UNC79: variants seen among roughly 807,000 people sequenced by gnomAD.
UNC79 encodes the protein unc-79 subunit of NALCN channel complex.
UNC79 carries 37 observed loss-of-function variants against 283.1 expected under a neutral mutation model. That is an observed-to-expected ratio of 0.13 (90% CI 0.10 to 0.17). UNC79 has a LOEUF of 0.17. Among genes scored for constraint, UNC79 ranks in the 10% least tolerant of loss-of-function variants. UNC79 has a pLI of 1.00. For synonymous variants in UNC79, 1,107 were observed against 1,200.2 expected (o/e 0.92, Z 1.61); for missense variants, 2,272 against 3,211.1 (o/e 0.71, Z 7.07).
chr14:93,647,361 G>A (rs529092853), intron 35 of UNC79, among the ~76,000 whole-genome samples: 1 of 152,292 alleles, frequency 6.6e-6, no homozygotes, highest in East Asian at 1.9e-4. Flanking sequence ...CTAAATGCAA[G>A]AAAATGAATC....
At chr14:93,691,635 G>A (rs2074706983) in intron 45 of UNC79, 114 bp from the exon 49 acceptor site, 10 of 1,026,366 alleles carry the variant, frequency 9.7e-6, no homozygotes, top group Non-Finnish European at 1.4e-5. Flanking sequence ...ATAACGTTAT[G>A]CCTTTGTGCT....
At chr14:93,551,128 C>T (rs1045485924) in intron 14 of UNC79, among the ~76,000 whole-genome samples, 70 of 152,282 alleles carry the variant, frequency 4.6e-4, no homozygotes, top group African/African-American at 1.7e-3. Context: ...CGGCTCACTG[C>T]AAGCTCCGCC....
At chr14:93,420,678 T>C (rs915877904) in intron 1 of UNC79, among the ~76,000 whole-genome samples, 1 of 151,784 alleles carries the variant, frequency 6.6e-6, no homozygotes, top group Non-Finnish European at 1.5e-5. Context: ...GGCACATAGA[T>C]AATTCTCATG....
intron 1 of UNC79, among the ~76,000 whole-genome samples, chr14:93,345,091 G>C (rs985099965): frequency 6.6e-6 from 1 of 152,122 alleles, no homozygotes; most frequent in African/African-American, 2.4e-5. Context: ...TCATGAATAG[G>C]ATTAGTACCC....
chr14:93,620,314 TC>T (rs1329282935), intron 29 of UNC79, among the ~76,000 whole-genome samples: 2 of 152,230 alleles, frequency 1.3e-5, no homozygotes, highest in African/African-American at 4.8e-5. Flanking sequence ...AAGTGGCTTT[TC>T]TAAGCTTTTT....
intron 47 of UNC79, among the ~76,000 whole-genome samples, chr14:93,699,985 GT>G (rs1044978011): frequency 2.6e-5 from 4 of 151,256 alleles, no homozygotes; most frequent in African/African-American, 7.3e-5. Context: ...ATTGTTTTAG[GT>G]TTTGTATGTT....
exon 16 of UNC79, chr14:93,572,742 A>G: frequency 2.5e-6 from 4 of 1,614,048 alleles, no homozygotes; most frequent in South Asian, 1.1e-5. Flanking sequence ...AATGGAGGAG[A>G]TGTTTGGTTT....
chr14:93,347,141 G>C, intron 1 of UNC79: 1 of 1,123,118 alleles, frequency 8.9e-7, no homozygotes, highest in Non-Finnish European at 1.2e-6. Flanking sequence ...TAGGGGGCGA[G>C]GGCAGAGCGC....
At chr14:93,355,729 T>C (rs1252619613) in intron 1 of UNC79, among the ~76,000 whole-genome samples, 3 of 152,254 alleles carry the variant, frequency 2.0e-5, no homozygotes, top group African/African-American at 4.8e-5. Flanking sequence ...CTTAACTGTC[T>C]TCCTAACTAT....
intron 26 of UNC79, among the ~76,000 whole-genome samples, chr14:93,609,845 G>T (rs2066169249): frequency 6.6e-6 from 1 of 152,090 alleles, no homozygotes; most frequent in African/African-American, 2.4e-5. Flanking sequence ...TCAAAGAGAG[G>T]CAATAAACGA....
At chr14:93,469,324 A>C (rs964912305) in intron 2 of UNC79, among the ~76,000 whole-genome samples, 3 of 152,226 alleles carry the variant, frequency 2.0e-5, no homozygotes, top group Admixed American at 2.0e-4. Flanking sequence ...GATCCTATGC[A>C]ACTGAGCTGA....
intron 46 of UNC79, 149 bp downstream of exon 49, chr14:93,692,095 G>C: frequency 1.1e-6 from 1 of 917,192 alleles, no homozygotes; most frequent in Admixed American, 2.7e-5. Context: ...TGGATGTTCT[G>C]CTTGCATAAG....
At chr14:93,705,173 G>A (rs2075789956) in intron 48 of UNC79, among the ~76,000 whole-genome samples, 1 of 151,898 alleles carries the variant, frequency 6.6e-6, no homozygotes, top group Non-Finnish European at 1.5e-5. Context: ...GGAGTTCGAG[G>A]CTACAGTGAG....
chr14:93,626,028 C>A (rs1188727331), intron 30 of UNC79, among the ~76,000 whole-genome samples: 1 of 152,192 alleles, frequency 6.6e-6, no homozygotes, highest in African/African-American at 2.4e-5. Flanking sequence ...AGTGCAACTA[C>A]ATGCACAAAA....
At chr14:93,538,598 G>A (rs1168174069) in intron 12 of UNC79, among the ~76,000 whole-genome samples, 3 of 152,102 alleles carry the variant, frequency 2.0e-5, no homozygotes, top group Non-Finnish European at 4.4e-5. Context: ...AGTGAAGCGT[G>A]TGAATAGGCC....
chr14:93,587,049 A>G (rs925734847), intron 22 of UNC79, 141 bp downstream of exon 22: 21 of 1,010,740 alleles, frequency 2.1e-5, no homozygotes, highest in Middle Eastern at 4.9e-4. Flanking sequence ...AACTACTTTT[A>G]TTTTTCTTTT....
intron 1 of UNC79, among the ~76,000 whole-genome samples, chr14:93,336,759 GAAGAC>G (rs1182332078): frequency 2.6e-5 from 4 of 152,168 alleles, no homozygotes; most frequent in Non-Finnish European, 5.9e-5. Context: ...CATTAATCAT[GAAGAC>G]AAGATTCATA....
At chr14:93,634,589 C>T (rs759027711) in intron 31 of UNC79, 35 of 1,614,008 alleles carry the variant, frequency 2.2e-5, no homozygotes, top group Non-Finnish European at 2.8e-5. Flanking sequence ...GAAGCGGCAG[C>T]TGGAGCATCA....
At chr14:93,364,880 A>G (rs139190766) in intron 1 of UNC79, among the ~76,000 whole-genome samples, 7 of 152,076 alleles carry the variant, frequency 4.6e-5, no homozygotes, top group Admixed American at 1.3e-4. Flanking sequence ...CCCTCCTCCT[A>G]TATTTACCAG....
Sources: gnomAD v4.1 joint callset for allele counts (sites outside exome capture counted in the v4.1 genomes callset) on GRCh38, gnomAD v4.1.1 for gene constraint, MANE v1.5 for transcripts, NCBI Gene and HGNC (gene_info 2026-07-23, HGNC 2026-07-21) for gene names.